Variants in GHR observed in about 807,000 individuals in gnomAD.
GHR encodes the protein GH receptor.
A neutral mutation model predicts 67.1 loss-of-function variants in GHR; 35 were observed. The ratio of observed to expected loss-of-function variants is 0.52; its 90% CI spans 0.40 to 0.69. The LOEUF (loss-of-function observed/expected upper bound fraction) is 0.69. Ranked by LOEUF, GHR falls within the 30% of genes least tolerant of loss-of-function variation. The probability of loss-of-function intolerance (pLI) is 0.00; values close to 1 mark genes in which losing one functional copy is unlikely to be tolerated. For missense variants in GHR, 792 were observed against 764.6 expected, an observed-to-expected ratio of 1.04 and a Z score of -0.42; for synonymous variants, 272 against 269.1, an observed-to-expected ratio of 1.01 and a Z score of -0.10.
At chr5:42,624,380 G>A (rs1440221008) in intron 2 of GHR, among the ~76,000 whole-genome samples, 1 of 152,112 alleles carries the variant, frequency 6.6e-6, no homozygotes, top group Non-Finnish European at 1.5e-5. Context: ...GTTAGGCCTG[G>A]AAATTGTCAT....
chr5:42,645,949 T>C (rs1754708078), intron 3 of GHR, among the ~76,000 whole-genome samples: 1 of 152,158 alleles, frequency 6.6e-6, no homozygotes, highest in Non-Finnish European at 1.5e-5. Flanking sequence ...AATTGATTCA[T>C]TACTTGGCCT....
At chr5:42,496,483 G>A (rs910909321) in intron 1 of GHR, among the ~76,000 whole-genome samples, 5 of 152,132 alleles carry the variant, frequency 3.3e-5, no homozygotes, top group African/African-American at 1.2e-4. Context: ...ATAGAGAGAT[G>A]TGCTTGATCT....
chr5:42,587,263 A>C (rs570965216), intron 2 of GHR, among the ~76,000 whole-genome samples: 124 of 152,292 alleles, frequency 8.1e-4, no homozygotes, highest in Non-Finnish European at 1.5e-3. Flanking sequence ...AGGATACTGC[A>C]GAAACTGAAA....
Position 42,467,710 on chromosome 5 carries a change from T to C in GHR, c.-12+43755T>C, listed in dbSNP as rs1207380616. On this transcript the variant is annotated intron_variant, in intron 1 of 9. Transcript: ENST00000230882. ...CTGAATGAAGGCCTTCCCACACTCA[T>C]GACATTCAAAAGGTTTCTCCCCGGT... The C allele has an allele frequency of 2.5e-6, 4 of 1,573,366 alleles. No individual in the cohort carries two copies. The African/African-American group carries it at 4.1e-5, about 16-fold the overall frequency.
intron 1 of GHR, among the ~76,000 whole-genome samples, chr5:42,470,175 ATATAT>A (rs200904154): frequency 0.1 from 14,811 of 142,762 alleles, 1,047 homozygotes; most frequent in East Asian, 0.34. Flanking sequence ...AGATATAATT[ATATAT>A]TATATACTAT....
intron 1 of GHR, among the ~76,000 whole-genome samples, chr5:42,511,551 G>C (rs751869529): frequency 2.0e-5 from 3 of 152,180 alleles, no homozygotes; most frequent in Non-Finnish European, 4.4e-5. Flanking sequence ...TGAAGCTCAA[G>C]CTCCATCTAC....
At chr5:42,467,437 G>T in intron 1 of GHR, 1 of 964,832 alleles carries the variant, frequency 1.0e-6, no homozygotes, top group Non-Finnish European at 1.6e-6. Flanking sequence ...TGAGCTCCCA[G>T]TAAATGTTTT....
chr5:42,712,129 A>ACAGGGCTAT (rs1283632701), intron 7 of GHR, among the ~76,000 whole-genome samples: 5 of 152,176 alleles, frequency 3.3e-5, no homozygotes, highest in Non-Finnish European at 7.4e-5. Context: ...ACAGAAGTTT[A>ACAGGGCTAT]CAGGGCTATA....
At chr5:42,477,951 C>G (rs1291561664) in intron 1 of GHR, among the ~76,000 whole-genome samples, 2 of 151,878 alleles carry the variant, frequency 1.3e-5, no homozygotes, top group Non-Finnish European at 2.9e-5. Context: ...GACATGAAGT[C>G]CTTGCCCATG....
At chr5:42,717,802 C>T (rs1168090313) in intron 8 of GHR, among the ~76,000 whole-genome samples, 1 of 151,966 alleles carries the variant, frequency 6.6e-6, no homozygotes, top group Non-Finnish European at 1.5e-5. Flanking sequence ...GTGGGAAAAC[C>T]ACATTTTCTT....
At chr5:42,616,463 GAGA>G (rs1370624826) in intron 2 of GHR, among the ~76,000 whole-genome samples, 3 of 152,064 alleles carry the variant, frequency 2.0e-5, no homozygotes, top group Admixed American at 6.6e-5. Context: ...TTCAGACATA[GAGA>G]AGAATTTAGG....
intron 1 of GHR, among the ~76,000 whole-genome samples, chr5:42,483,372 T>C (rs1745739141): frequency 6.6e-6 from 1 of 152,076 alleles, no homozygotes; most frequent in African/African-American, 2.4e-5. Flanking sequence ...TTTTTAATTA[T>C]CAGCTTGCAA....
intron 3 of GHR, among the ~76,000 whole-genome samples, chr5:42,674,971 G>A (rs1756499810): frequency 6.6e-6 from 1 of 152,100 alleles, no homozygotes; most frequent in Admixed American, 6.5e-5. Flanking sequence ...GAACAGAAGT[G>A]TGTGAGGGTT....
intron 5 of GHR, among the ~76,000 whole-genome samples, chr5:42,698,214 A>T (rs950860358): frequency 1.3e-5 from 2 of 152,114 alleles, no homozygotes; most frequent in African/African-American, 4.8e-5. Flanking sequence ...GATAAAGGAG[A>T]GGTCATTATT....
chr5:42,514,351 C>G, intron 1 of GHR: 1 of 977,344 alleles, frequency 1.0e-6, no homozygotes, highest in South Asian at 4.7e-5. Flanking sequence ...CAGCCTTGCT[C>G]CTCTGATAAC....
At chr5:42,685,885 G>C (rs995577415) in intron 3 of GHR, among the ~76,000 whole-genome samples, 24 of 152,236 alleles carry the variant, frequency 1.6e-4, no homozygotes, top group African/African-American at 5.8e-4. Flanking sequence ...CCCCCATTCT[G>C]TAGGTTGCCT....
intron 2 of GHR, among the ~76,000 whole-genome samples, chr5:42,615,985 G>A (rs757835116): frequency 2.6e-5 from 4 of 151,776 alleles, no homozygotes; most frequent in African/African-American, 4.8e-5. Flanking sequence ...ATCCTTTCAC[G>A]CTCTTATGCT....
intron 1 of GHR, among the ~76,000 whole-genome samples, chr5:42,478,060 A>G (rs1394141335): frequency 6.6e-6 from 1 of 152,028 alleles, no homozygotes; most frequent in Non-Finnish European, 1.5e-5. Context: ...TAATTTTTGT[A>G]TAAGGTGTAA....
chr5:42,488,037 C>A (rs1270271859), intron 1 of GHR, among the ~76,000 whole-genome samples: 1 of 152,200 alleles, frequency 6.6e-6, no homozygotes, highest in African/African-American at 2.4e-5. Flanking sequence ...CTGCCCAACA[C>A]CAGCTGCATA....
Sources: gnomAD v4.1 joint callset for allele counts (sites outside exome capture counted in the v4.1 genomes callset) on GRCh38, gnomAD v4.1.1 for gene constraint, MANE v1.5 for transcripts, NCBI Gene and HGNC (gene_info 2026-07-23, HGNC 2026-07-21) for gene names.